Variants in PDLIM5 observed in about 807,000 individuals in gnomAD.
PDLIM5 encodes PDZ and LIM domain 5.
Under a neutral mutation model 64.2 loss-of-function variants are expected in PDLIM5, and 34 were observed. The observed-to-expected ratio is 0.53, with a 90% confidence interval of 0.40 to 0.71. The LOEUF is 0.71. Among genes scored for constraint, PDLIM5 ranks in the 30% least tolerant of loss-of-function variants. The pLI is 0.00. For missense variants in PDLIM5, 683 were observed against 733.6 expected, an observed-to-expected ratio of 0.93 and a Z score of 0.80; for synonymous variants, 253 against 269.1, an observed-to-expected ratio of 0.94 and a Z score of 0.59.
chr4:94,635,936 C>G (rs537666129), intron 8 of PDLIM5, among the ~76,000 whole-genome samples: 1 of 152,322 alleles, frequency 6.6e-6, no homozygotes, highest in African/African-American at 2.4e-5. Context: ...GCTAGCAACA[C>G]AGCAACAAAT....
chr4:94,567,885 A>G (rs976806708), intron 3 of PDLIM5, among the ~76,000 whole-genome samples: 1 of 152,176 alleles, frequency 6.6e-6, no homozygotes, highest in African/African-American at 2.4e-5. Flanking sequence ...TTTCATTTGA[A>G]TGGGTGGTAT....
intron 3 of PDLIM5, among the ~76,000 whole-genome samples, chr4:94,563,652 T>C (rs1734031225): frequency 6.6e-6 from 1 of 152,150 alleles, no homozygotes; most frequent in Admixed American, 6.5e-5. Context: ...TGGACAGGAA[T>C]AGAAAAAGAG....
chr4:94,459,900 T>C lies in PDLIM5; in HGVS notation c.96+4516T>C, dbSNP rs190027987. ...CATTGCTTGACTCCAAGTAAAGCTG[T>C]GAATGTAGTTGAGCGATTCTCCAGA... On this transcript the variant is annotated intron_variant, in intron 2 of 12. Transcript: ENST00000317968. Among the ~76,000 whole-genome samples the C allele has an allele frequency of 3.9e-4, 60 of 152,350 alleles. No homozygotes were observed. In the East Asian group the frequency reaches 9.1e-3, roughly 23 times the overall value.
At chr4:94,491,285 A>T (rs190956125) in intron 2 of PDLIM5, among the ~76,000 whole-genome samples, 164 of 152,274 alleles carry the variant, frequency 1.1e-3, no homozygotes, top group Middle Eastern at 6.8e-3. Flanking sequence ...CAGGTGTTTG[A>T]TTAAATCATT....
chr4:94,481,402 G>A (rs1725837223), intron 2 of PDLIM5, among the ~76,000 whole-genome samples: 1 of 150,918 alleles, frequency 6.6e-6, no homozygotes, highest in African/African-American at 2.4e-5. Flanking sequence ...CGATGCCTCA[G>A]CCTCCTGAGT....
At chr4:94,556,665 G>A (rs576763385) in intron 3 of PDLIM5, among the ~76,000 whole-genome samples, 3 of 152,262 alleles carry the variant, frequency 2.0e-5, no homozygotes, top group East Asian at 3.9e-4. Flanking sequence ...GTGATGATGG[G>A]CATTTTTTCA....
intron 2 of PDLIM5, among the ~76,000 whole-genome samples, chr4:94,508,436 A>C (rs1728582847): frequency 6.6e-6 from 1 of 152,254 alleles, no homozygotes. Flanking sequence ...TGGAGGTCAG[A>C]AACTTGGCTC....
At chr4:94,464,907 C>G (rs1724216888) in intron 2 of PDLIM5, among the ~76,000 whole-genome samples, 1 of 152,224 alleles carries the variant, frequency 6.6e-6, no homozygotes, top group East Asian at 1.9e-4. Flanking sequence ...GTTCCTTATC[C>G]TCAGGCTAGC....
At chr4:94,491,468 G>A (rs962137902) in intron 2 of PDLIM5, among the ~76,000 whole-genome samples, 1 of 152,052 alleles carries the variant, frequency 6.6e-6, no homozygotes, top group African/African-American at 2.4e-5. Context: ...TCTTTGGAAT[G>A]TATCTTTTAG....
rs541819228 is a variant in PDLIM5 at position 94,623,265 on chromosome 4, G to T, written c.1108+5074G>T. On this transcript the variant is annotated intron_variant, in intron 8 of 12. Transcript: ENST00000317968. ...AATCTCAGGCCAACCTTCTTCTCCA[G>T]CTTCATTTTATAACACTGTTCCCTA... 1.1e-4 allele frequency among the ~76,000 whole-genome samples: 17 copies of T among 152,174 alleles called. No homozygotes were observed. The South Asian group carries it at 3.1e-3, about 28-fold the overall frequency.
chr4:94,478,214 G>C (rs183280679), intron 2 of PDLIM5, among the ~76,000 whole-genome samples: 1,806 of 146,482 alleles, frequency 0.012, 43 homozygotes, highest in African/African-American at 0.043. Flanking sequence ...CAAGATCACG[G>C]TATTGCACTC....
At position 94,640,304 on chromosome 4, in the gene PDLIM5, C is replaced by G. The variant is rs777689859; in HGVS notation, c.1137C>G (p.Ser379Arg). 6.2e-7 allele frequency: 1 copy of G among 1,609,038 alleles called. No individual in the cohort carries two copies. Among genetic ancestry groups the G allele is most frequent in the East Asian group, 2.2e-5 (1 of 44,798 alleles). ...CTTCCACTGGAAGAATCTCAAACAGCGCTACTTACTCAGGATCAGTGGCAC... is the reference window on the plus strand; with the variant it reads ...CTTCCACTGGAAGAATCTCAAACAGGGCTACTTACTCAGGATCAGTGGCAC... ...GVPSTGRISNSATYSGSVAPA... is the reference protein window; with the variant it reads ...GVPSTGRISNRATYSGSVAPA... Residue 379 changes from serine (S) to arginine (R), a missense_variant, in exon 9 of 13, where the codon AGC becomes AGG. Physicochemically the swap from Ser to Arg is moderately radical, Grantham distance 110. Coordinates refer to ENST00000317968, the MANE Select transcript of PDLIM5 (RefSeq NM_006457.5).
At chr4:94,659,413 G>T (rs1227127405) in intron 11 of PDLIM5, among the ~76,000 whole-genome samples, 4 of 151,662 alleles carry the variant, frequency 2.6e-5, no homozygotes, top group African/African-American at 7.3e-5. Context: ...CATTGTAATT[G>T]GCACCTAAAT....
intron 2 of PDLIM5, among the ~76,000 whole-genome samples, chr4:94,496,483 A>T (rs1164330882): frequency 6.6e-6 from 1 of 152,012 alleles, no homozygotes; most frequent in African/African-American, 2.4e-5. Context: ...CACTTTATTT[A>T]TTTATTTGTT....
At chr4:94,494,443 T>G (rs1183038860) in intron 2 of PDLIM5, among the ~76,000 whole-genome samples, 5 of 131,226 alleles carry the variant, frequency 3.8e-5, no homozygotes, top group Admixed American at 8.2e-5. Context: ...TTTTTTTTTT[T>G]TTTTTTTTTT....
chr4:94,516,653 A>G (rs1578290564), intron 2 of PDLIM5, among the ~76,000 whole-genome samples: 1 of 152,072 alleles, frequency 6.6e-6, no homozygotes, highest in South Asian at 2.1e-4. Context: ...CCTCCTGAGT[A>G]GCTGGGACCA....
chr4:94,623,933 C>T (rs1043484204), intron 8 of PDLIM5, among the ~76,000 whole-genome samples: 2 of 152,078 alleles, frequency 1.3e-5, no homozygotes, highest in Non-Finnish European at 2.9e-5. Flanking sequence ...ATGAGCAGTA[C>T]CATAACTAGT....
At chr4:94,581,872 G>C (rs557859151) in intron 5 of PDLIM5, among the ~76,000 whole-genome samples, 2 of 152,232 alleles carry the variant, frequency 1.3e-5, no homozygotes, top group Admixed American at 6.5e-5. Context: ...TCCACTTCAG[G>C]TGTCACTAAC....
intron 5 of PDLIM5, among the ~76,000 whole-genome samples, chr4:94,585,345 C>T (rs1645135399): frequency 6.6e-6 from 1 of 152,184 alleles, no homozygotes; most frequent in South Asian, 2.1e-4. Flanking sequence ...CCACCTCAGC[C>T]TCCCAAAGTG....
Sources: gnomAD v4.1 joint callset for allele counts (sites outside exome capture counted in the v4.1 genomes callset) on GRCh38, gnomAD v4.1.1 for gene constraint, MANE v1.5 for transcripts, NCBI Gene and HGNC (gene_info 2026-07-23, HGNC 2026-07-21) for gene names.